GTPBP2: variants seen among roughly 807,000 people sequenced by gnomAD.
GTPBP2 encodes GTP binding protein 2.
In GTPBP2, 32 loss-of-function variants were observed where a neutral mutation model predicts 63.0. That is an observed-to-expected ratio of 0.51 (90% confidence interval 0.38 to 0.68). The LOEUF (loss-of-function observed/expected upper bound fraction) is 0.68. Among genes scored for constraint, GTPBP2 ranks in the 30% least tolerant of loss-of-function variants. GTPBP2 has a pLI of 0.00. For missense variants in GTPBP2, 492 were observed against 796.9 expected, an observed-to-expected ratio of 0.62 and a Z score of 4.61; for synonymous variants, 310 against 322.6, an observed-to-expected ratio of 0.96 and a Z score of 0.42.
In GTPBP2 at chr6:43,622,699, A is replaced by T. The variant is rs747087499; in HGVS notation, c.1401T>A (p.Arg467=). The T allele has an allele frequency of 6.2e-7, 1 of 1,614,184 alleles. No individual in the cohort carries two copies. The highest frequency in any genetic ancestry group is 8.5e-7 in the Non-Finnish European group (1 of 1,180,022). The stretch of plus-strand genomic sequence containing the variant: ...TAGCAGCCTGACCAGCTCGCAGCAC[A>T]CGACAGGCAGAGCGGTTGCGCTGGA... The part of the protein sequence containing the change: ...CSIQRNRSAC[R]VLRAGQAATL... Residue 467 remains arginine (R), a synonymous_variant, in exon 10 of 12, where the codon CGT becomes CGA. Coordinates refer to ENST00000307126, the MANE Select transcript of GTPBP2 (RefSeq NM_019096.5). The surrounding 1 kb of genome is among the most constrained non-coding windows in gnomAD (Gnocchi z 5.4).
At position 43,621,662 on chromosome 6, in the gene GTPBP2, A is replaced by C. The variant is rs141007800; in HGVS notation, c.1761T>G (p.Asp587Glu). Residue 587 changes from aspartate to glutamate, a missense_variant, in exon 12 of 12, where the codon GAT (aspartate) becomes GAG (glutamate). Physicochemically the swap from Asp to Glu is conservative, Grantham distance 45 (BLOSUM62 2). Coordinates refer to ENST00000307126, the MANE Select transcript of GTPBP2 (RefSeq NM_019096.5). ...GVTKGIGHVT[D>E]VQAITAGEAQ... ...CTTCTCCTGCTGTAATGGCTTGTAC[A>C]TCAGTGACATGGCCGATGCCCTTGG... 6.2e-7 allele frequency: 1 copy of C among 1,614,150 alleles called. No homozygotes were observed. The highest frequency in any genetic ancestry group is 1.1e-5 in the South Asian group (1 of 91,072).
Position 43,625,309 on chromosome 6 carries a change from C to T in GTPBP2, c.705+54G>A. On this transcript the variant is annotated intron_variant, in intron 5 of 11. Coordinates refer to ENST00000307126, the MANE Select transcript of GTPBP2 (RefSeq NM_019096.5). This position sits in a 1 kb window ranked among gnomAD's most constrained non-coding sequence, Gnocchi z 5.1. ...TACCCCCATCCTATGTCCTTCACTACTACCATCCCATCCTCAGAGTCTGGC... is the reference window on the plus strand; with the variant it reads ...TACCCCCATCCTATGTCCTTCACTATTACCATCCCATCCTCAGAGTCTGGC... The T allele has an allele frequency of 2.6e-6, 4 of 1,521,232 alleles. No homozygotes were observed. In the East Asian group the frequency reaches 9.0e-5, roughly 34 times the overall value. 94.2% of individuals were successfully genotyped at this position (1,521,232 alleles called of 1,614,324 possible).
Position 43,621,225 on chromosome 6 carries a change from A to AG in GTPBP2, c.*388dup. 1 of 376,862 alleles carries AG rather than the reference A, an allele frequency of 2.7e-6. No homozygotes were observed. The highest frequency in any genetic ancestry group is 5.2e-6 in the Non-Finnish European group (1 of 192,010). The allele number at this position is 376,862 out of a possible 1,614,324, so 23.3% of individuals were successfully genotyped here. ...AGGTATAGAAAAAGGAGTGCTTTTG[A>AG]GGGCTACCCCCTGTTGTGACCATTC... On this transcript the variant is annotated 3_prime_UTR_variant, in exon 12 of 12. Coordinates refer to ENST00000307126, the MANE Select transcript of GTPBP2 (RefSeq NM_019096.5).
Position 43,625,048 on chromosome 6 carries a change from G to A in GTPBP2, c.720C>T (p.Ser240=), listed in dbSNP as rs138844167. ...AGATCTCTTCTGCTGTCCGTGAGTCGCTGTAATTCACCACCTGGCCCAGGG... is the reference window on the plus strand; with the variant it reads ...AGATCTCTTCTGCTGTCCGTGAGTCACTGTAATTCACCACCTGGCCCAGGG... ...FNSKGEVVNY[S]DSRTAEEICE... is the part of the protein sequence containing the mutation. Residue 240 remains serine (S), a synonymous_variant, in exon 6 of 12, where the codon AGC becomes AGT. Transcript: ENST00000307126. The surrounding 1 kb of genome is among the most constrained non-coding windows in gnomAD (Gnocchi z 5.1). 1.4e-5 allele frequency: 23 copies of A among 1,613,542 alleles called. No individual in the cohort carries two copies. The highest frequency in any genetic ancestry group is 6.7e-5 in the Admixed American group (4 of 60,004).
chr6:43,630,783 TCTGTGGTCCCAG>T (rs1466533998), upstream of GTPBP2, among the ~76,000 whole-genome samples: 1 of 144,516 alleles, frequency 6.9e-6, no homozygotes, highest in Non-Finnish European at 1.5e-5. Context: ...ATGGTGCACA[TCTGTGGTCCCAG>T]CTGCTCGGGA....
At chr6:43,630,585 A>G (rs1423107088), upstream of GTPBP2, among the ~76,000 whole-genome samples, 3 of 152,100 alleles carry the variant, frequency 2.0e-5, no homozygotes, top group Non-Finnish European at 4.4e-5. Flanking sequence ...TCTACTAAAA[A>G]TACAAAAATT....
At chr6:43,628,435 G>C (rs1226889107) in intron 1 of GTPBP2, 3 of 415,754 alleles carry the variant, frequency 7.2e-6, no homozygotes, top group South Asian at 9.9e-5. Context: ...CGGGTGATTC[G>C]ATACATGCCA....
Position 43,626,262 on chromosome 6 carries a change from C to T in GTPBP2, c.362G>A (p.Arg121Gln), listed in dbSNP as rs148641508. 73 of 1,614,200 alleles carry T rather than the reference C, an allele frequency of 4.5e-5. No individual in the cohort carries two copies. The highest frequency in any genetic ancestry group is 1.0e-4 in the Admixed American group (6 of 60,026). Residue 121 changes from arginine to glutamine, a missense_variant, in exon 3 of 12, where the codon CGA (arginine) becomes CAA (glutamine). Arg to Gln is a conservative substitution (Grantham distance 43). Transcript: ENST00000307126. This position sits in a 1 kb window ranked among gnomAD's most constrained non-coding sequence, Gnocchi z 4.0. The stretch of plus-strand genomic sequence containing the variant: ...CCGGTGCAGGGTCTTGAGCGAAGCT[C>T]GCATTTCCTCCTCAGCCAGCCCCAC... ...LLVGLAEEEM[R>Q]ASLKTLHRMA...
In GTPBP2 at chr6:43,622,488, A is replaced by T; in HGVS notation, c.1467+145T>A. On this transcript the variant is annotated intron_variant, in intron 10 of 11. Transcript: ENST00000307126. The surrounding 1 kb of genome is among the most constrained non-coding windows in gnomAD (Gnocchi z 5.4). ...GTACGTTAAGCTGTTTTTATAGTCT[A>T]CGTAGCTAGACCAGAAGCTTCTTGG... 2.6e-6 allele frequency: 2 copies of T among 760,270 alleles called. No individual in the cohort carries two copies. The highest frequency in any genetic ancestry group is 1.7e-5 in the African/African-American group (1 of 57,394). 47.1% of individuals were successfully genotyped at this position (760,270 alleles called of 1,614,324 possible).
Position 43,625,521 on chromosome 6 carries a change from A to T in GTPBP2, c.547T>A (p.Ser183Thr). ...ACTCCAAGCAGAGTTGACTTCCCAG[A>T]GTCCACATTCCCCAGGACGGCCACA... Reference protein sequence around the residue: ...LRVAVLGNVDSGKSTLLGVLT... With the variant: ...LRVAVLGNVDTGKSTLLGVLT... The change falls in exon 5 of 12, where the codon TCT becomes ACT. Residue 183 changes from serine (S) to threonine (T), a missense_variant. Physicochemically the swap from Ser to Thr is moderately conservative, Grantham distance 58 (BLOSUM62 1). Transcript: ENST00000307126. This position sits in a 1 kb window ranked among gnomAD's most constrained non-coding sequence, Gnocchi z 5.1. 1 of 1,614,096 alleles carries T rather than the reference A, an allele frequency of 6.2e-7. No homozygotes were observed. Among genetic ancestry groups the T allele is most frequent in the Non-Finnish European group, 8.5e-7 (1 of 1,179,966 alleles).
Position 43,621,258 on chromosome 6 carries a change from G to T in GTPBP2, c.*356C>A. 2.2e-6 allele frequency: 1 copy of T among 459,052 alleles called. No individual in the cohort carries two copies. The highest frequency in any genetic ancestry group is 4.1e-6 in the Non-Finnish European group (1 of 242,506). The allele number at this position is 459,052 out of a possible 1,614,324, so 28.4% of individuals were successfully genotyped here. A position where few individuals can be genotyped will look rare whatever the true frequency, so the allele number is the denominator to read the frequency against. On this transcript the variant is annotated 3_prime_UTR_variant, in exon 12 of 12. Coordinates refer to ENST00000307126, the MANE Select transcript of GTPBP2 (RefSeq NM_019096.5). ...CCCCTGTTGTGACCATTCCTGAAGT[G>T]CAGAGACCACACCAGCAAAACATGC...
Position 43,626,828 on chromosome 6 carries a change from CA to C in GTPBP2, c.213+93del, listed in dbSNP as rs371391526. The C allele has an allele frequency of 0.12, 83,413 of 723,198 alleles. No homozygotes were observed. Among genetic ancestry groups the C allele is most frequent in the South Asian group, 0.17 (7,624 of 45,170 alleles). The allele number at this position is 723,198 out of a possible 1,614,324, so 44.8% of individuals were successfully genotyped here. ...AGGCAACAAGAGCAAAACTTCATCT[CA>C]AAAAAAAAAAAGAAAGAAAGAAAAA... On this transcript the variant is annotated intron_variant, in intron 2 of 11. Coordinates refer to ENST00000307126, the MANE Select transcript of GTPBP2 (RefSeq NM_019096.5). This position sits in a 1 kb window ranked among gnomAD's most constrained non-coding sequence, Gnocchi z 4.0.
chr6:43,630,454 A>T (rs1407514746), upstream of GTPBP2, among the ~76,000 whole-genome samples: 1 of 151,896 alleles, frequency 6.6e-6, no homozygotes, highest in African/African-American at 2.4e-5. Flanking sequence ...AAATTAAACA[A>T]CTCAGCCGGG....
chr6:43,630,191 CT>C (rs1769817040), upstream of GTPBP2, among the ~76,000 whole-genome samples: 1 of 152,226 alleles, frequency 6.6e-6, no homozygotes, highest in Admixed American at 6.5e-5. Flanking sequence ...GGATTTTTGG[CT>C]TTTGACTCTC....
rs1281247586 is a variant in GTPBP2, at chr6:43,624,704, C to G, written c.906G>C (p.Gly302=). The part of the protein sequence containing the change: ...GIAGTTREHL[G]LALALKVPFF... Reference sequence around the variant, plus strand: ...AGGGCACTTTCAGGGCCAGGGCCAGCCCCAGATGTTCCCTTGTGGTGCCAG... The same window carrying G: ...AGGGCACTTTCAGGGCCAGGGCCAGGCCCAGATGTTCCCTTGTGGTGCCAG... Residue 302 remains glycine, a synonymous_variant, in exon 7 of 12, where the codon GGG becomes GGC. Coordinates refer to ENST00000307126, the MANE Select transcript of GTPBP2 (RefSeq NM_019096.5). This position sits in a 1 kb window ranked among gnomAD's most constrained non-coding sequence, Gnocchi z 5.1. 9 of 1,613,918 alleles carry G rather than the reference C, an allele frequency of 5.6e-6. No individual in the cohort carries two copies. The highest frequency in any genetic ancestry group is 7.6e-6 in the Non-Finnish European group (9 of 1,179,992).
intron 1 of GTPBP2, 85 bp downstream of exon 1, chr6:43,628,892 G>C: frequency 7.1e-7 from 1 of 1,412,164 alleles, no homozygotes; most frequent in East Asian, 2.3e-5. Context: ...CGGAAGGGGA[G>C]ATTAATTATC....
At chr6:43,623,033 T>C in intron 9 of GTPBP2, 1 of 539,068 alleles carries the variant, frequency 1.9e-6, no homozygotes, top group South Asian at 2.5e-5. Context: ...CTTGCTGGTT[T>C]AACAACACCG....
chr6:43,626,520 C>T lies in GTPBP2; in HGVS notation c.214-110G>A. On this transcript the variant is annotated intron_variant, in intron 2 of 11. Transcript: ENST00000307126. The surrounding 1 kb of genome is among the most constrained non-coding windows in gnomAD (Gnocchi z 4.0). Reference sequence around the variant, plus strand: ...CCAGGACTTTCTCTTTCCACTTAAACTCATACCTGATCCCCCTCCAACAGA... The same window carrying T: ...CCAGGACTTTCTCTTTCCACTTAAATTCATACCTGATCCCCCTCCAACAGA... 1 of 787,436 alleles carries T rather than the reference C, an allele frequency of 1.3e-6. No individual in the cohort carries two copies. Among genetic ancestry groups the T allele is most frequent in the Non-Finnish European group, 2.1e-6 (1 of 481,420 alleles). The allele number at this position is 787,436 out of a possible 1,614,324, so 48.8% of individuals were successfully genotyped here. A position where few individuals can be genotyped will look rare whatever the true frequency, so the allele number is the denominator to read the frequency against.
intron 1 of GTPBP2, chr6:43,627,169 C>T: frequency 5.8e-6 from 4 of 684,228 alleles, no homozygotes; most frequent in East Asian, 3.4e-5. Flanking sequence ...AAGGAGTCAC[C>T]CATTTAAGCC....
Sources: allele counts gnomAD v4.1 joint callset (sites outside exome capture counted in the v4.1 genomes callset), GRCh38; gene constraint gnomAD v4.1.1; non-coding constraint Gnocchi (gnomAD v3.1); transcripts MANE v1.5; gene names NCBI Gene and HGNC (gene_info 2026-07-23, HGNC 2026-07-21).